The following SLC39A11 variants were observed in gnomAD, a reference collection of about 807,000 sequenced individuals.
SLC39A11 encodes the protein solute carrier family 39 member 11.
In SLC39A11, 33 loss-of-function variants were observed where a neutral mutation model predicts 36.1. That is an observed-to-expected ratio of 0.91 (90% CI 0.69 to 1.22). SLC39A11 has a LOEUF of 1.22. Ranked by LOEUF, SLC39A11 falls within the 50% of genes most tolerant of loss-of-function variation. SLC39A11 has a pLI of 0.00. For synonymous variants in SLC39A11, 166 were observed against 170.3 expected (o/e 0.97, Z 0.20); for missense variants, 432 against 430.3 (o/e 1.00, Z -0.03).
intron 5 of SLC39A11, among the ~76,000 whole-genome samples, chr17:72,883,111 G>A (rs1240979065): frequency 6.6e-6 from 1 of 152,004 alleles, no homozygotes; most frequent in African/African-American, 2.4e-5. Flanking sequence ...AATGCTTTTA[G>A]GTGGAATTAT....
intron 7 of SLC39A11, among the ~76,000 whole-genome samples, chr17:72,686,217 T>C (rs1241981750): frequency 6.6e-6 from 1 of 152,164 alleles, no homozygotes; most frequent in African/African-American, 2.4e-5. Context: ...TATCTGCCTT[T>C]TTCCTGGGCT....
At chr17:72,882,800 T>TTTTTTTTTTCTTTTTC (rs1567878798) in intron 5 of SLC39A11, among the ~76,000 whole-genome samples, 10 of 118,022 alleles carry the variant, frequency 8.5e-5, no homozygotes, top group Admixed American at 1.6e-4. Context: ...AATGCTTCTT[T>TTTTTTTTTTCTTTTTC]TTTTTTTTTT....
chr17:73,066,013 G>A (rs2059987328), intron 3 of SLC39A11, among the ~76,000 whole-genome samples: 2 of 152,204 alleles, frequency 1.3e-5, no homozygotes, highest in African/African-American at 4.8e-5. Context: ...TGGAAGGATG[G>A]ACTGTGAACA....
At chr17:72,951,110 A>AAAG (rs1378400249) in intron 4 of SLC39A11, among the ~76,000 whole-genome samples, 1 of 151,280 alleles carries the variant, frequency 6.6e-6, no homozygotes, top group African/African-American at 2.4e-5. Context: ...AAAAAAAAAA[A>AAAG]ATTAGCCAGG....
At chr17:73,086,586 G>A (rs915485772) in intron 2 of SLC39A11, among the ~76,000 whole-genome samples, 7 of 152,280 alleles carry the variant, frequency 4.6e-5, no homozygotes, top group African/African-American at 9.6e-5. Flanking sequence ...CTGGGAGGCC[G>A]AGGCAGGCAG....
At chr17:72,691,858 A>G (rs2072043393) in intron 7 of SLC39A11, among the ~76,000 whole-genome samples, 1 of 152,178 alleles carries the variant, frequency 6.6e-6, no homozygotes, top group African/African-American at 2.4e-5. Context: ...AAGTTTGGTC[A>G]ACAGTGCCAA....
At chr17:72,661,834 G>A (rs966113005) in intron 7 of SLC39A11, among the ~76,000 whole-genome samples, 2 of 152,210 alleles carry the variant, frequency 1.3e-5, no homozygotes, top group African/African-American at 4.8e-5. Flanking sequence ...CTTCCTTCGA[G>A]GGGGTGAGGA....
chr17:72,668,359 C>T (rs1401109536), intron 7 of SLC39A11, among the ~76,000 whole-genome samples: 3 of 151,552 alleles, frequency 2.0e-5, no homozygotes, highest in East Asian at 1.9e-4. Context: ...CTGGCTCTGA[C>T]GGATGCCCCA....
At chr17:72,869,939 A>G (rs1050732310) in intron 5 of SLC39A11, among the ~76,000 whole-genome samples, 1 of 152,194 alleles carries the variant, frequency 6.6e-6, no homozygotes, top group Non-Finnish European at 1.5e-5. Context: ...AAAAAATATT[A>G]TAATACCAGG....
intron 7 of SLC39A11, among the ~76,000 whole-genome samples, chr17:72,659,127 G>A (rs1359274922): frequency 6.6e-6 from 1 of 152,156 alleles, no homozygotes; most frequent in East Asian, 1.9e-4. Context: ...CTAAGCCCTG[G>A]CCATGTGCAA....
At chr17:73,005,213 G>A (rs1184521763) in intron 4 of SLC39A11, among the ~76,000 whole-genome samples, 1 of 152,124 alleles carries the variant, frequency 6.6e-6, no homozygotes, top group African/African-American at 2.4e-5. Flanking sequence ...CCTGACCTCA[G>A]ACGATCCGCC....
chr17:72,916,659 C>A (rs2083350064), intron 5 of SLC39A11, among the ~76,000 whole-genome samples: 1 of 152,202 alleles, frequency 6.6e-6, no homozygotes, highest in South Asian at 2.1e-4. Context: ...ACAGTCAAAA[C>A]TGCACCAGTG....
rs1226562210 is a variant in SLC39A11, at chr17:72,959,627, G to A, written c.307-11752C>T. On this transcript the variant is annotated intron_variant, in intron 4 of 9. Coordinates refer to ENST00000255559, the MANE Select transcript of SLC39A11 (RefSeq NM_139177.4). Reference sequence around the variant, plus strand: ...ACAAACAGGGTGCTGTATACTGCTCGGGTGATGGGTGCACCAAAGTCTCAC... The same window carrying A: ...ACAAACAGGGTGCTGTATACTGCTCAGGTGATGGGTGCACCAAAGTCTCAC... 4.0e-5 allele frequency among the ~76,000 whole-genome samples: 6 copies of A among 151,700 alleles called. No homozygotes were observed. The South Asian group carries it at 6.3e-4, about 16-fold the overall frequency.
rs117448973 is a variant in SLC39A11, at chr17:72,968,379, T to C, written c.307-20504A>G. On this transcript the variant is annotated intron_variant, in intron 4 of 9. Coordinates refer to ENST00000255559, the MANE Select transcript of SLC39A11 (RefSeq NM_139177.4). ...TCTCTCTCTCTCTCTTTTTTCTTTTTTTCTCCATTCCTAAGACCAGGACAA... is the reference window on the plus strand; with the variant it reads ...TCTCTCTCTCTCTCTTTTTTCTTTTCTTCTCCATTCCTAAGACCAGGACAA... Among the ~76,000 whole-genome samples the C allele has an allele frequency of 2.7e-4, 41 of 152,314 alleles. No homozygotes were observed. The East Asian group carries it at 7.9e-3, about 29-fold the overall frequency.
intron 5 of SLC39A11, among the ~76,000 whole-genome samples, chr17:72,870,471 G>C (rs957535879): frequency 6.6e-6 from 1 of 152,176 alleles, no homozygotes; most frequent in Non-Finnish European, 1.5e-5. Context: ...GGTGCCCTGC[G>C]GCAATGTGTT....
intron 6 of SLC39A11, among the ~76,000 whole-genome samples, chr17:72,826,915 G>A (rs533874856): frequency 1.6e-4 from 24 of 152,258 alleles, no homozygotes; most frequent in Admixed American, 1.3e-3. Context: ...GAAAAATGGT[G>A]CATCACTTTG....
rs544893367 is a variant in SLC39A11 at position 72,932,292 on chromosome 17, T to TTTATTATTATTATTATTATTA, written c.430+15459_430+15460insTAATAATAATAATAATAATAA. ...TTCTACCTGAAGAATGACCTGTTCTTTTATTATTATTATTATTATACTTTA... is the reference window on the plus strand; with the variant it reads ...TTCTACCTGAAGAATGACCTGTTCTTTTATTATTATTATTATTATTATTATTATTATTATTATTATACTTTA... On this transcript the variant is annotated intron_variant, in intron 5 of 9. Transcript: ENST00000255559. Among the ~76,000 whole-genome samples the TTTATTATTATTATTATTATTA allele has an allele frequency of 8.4e-3, 1,208 of 144,442 alleles. 20 individuals carry two copies. Among genetic ancestry groups the TTTATTATTATTATTATTATTA allele is most frequent in the African/African-American group, 0.031 (1,097 of 35,410 alleles). 94.8% of individuals were successfully genotyped at this position (144,442 alleles called of 152,430 possible). A position where few individuals can be genotyped will look rare whatever the true frequency, so the allele number is the denominator to read the frequency against.
intron 7 of SLC39A11, among the ~76,000 whole-genome samples, chr17:72,723,746 G>A (rs2073806907): frequency 6.6e-6 from 1 of 152,136 alleles, no homozygotes; most frequent in Non-Finnish European, 1.5e-5. Flanking sequence ...GAACCTTGTG[G>A]GCAATCTCAG....
chr17:72,732,258 G>A (rs1204329976), intron 7 of SLC39A11, among the ~76,000 whole-genome samples: 4 of 151,632 alleles, frequency 2.6e-5, no homozygotes, highest in East Asian at 1.9e-4. Flanking sequence ...CGAGGGATCC[G>A]CCCGCCTCGG....
Sources: gnomAD v4.1 joint callset for allele counts (sites outside exome capture counted in the v4.1 genomes callset) on GRCh38, gnomAD v4.1.1 for gene constraint, MANE v1.5 for transcripts, NCBI Gene and HGNC (gene_info 2026-07-23, HGNC 2026-07-21) for gene names.